The following MDN1 variants were observed in gnomAD, a reference collection of about 807,000 sequenced individuals.
The protein encoded by MDN1 is midasin AAA ATPase 1.
Under a neutral mutation model 669.2 loss-of-function variants are expected in MDN1, and 266 were observed. That is an observed-to-expected ratio of 0.40 (90% CI 0.36 to 0.44). MDN1 has a LOEUF of 0.44. Among genes scored for constraint, MDN1 ranks in the 20% least tolerant of loss-of-function variants. The pLI, the probability that MDN1 is intolerant of heterozygous loss-of-function variation, is 1.00. For synonymous variants in MDN1, 2,385 were observed against 2,457.1 expected (o/e 0.97, Z 0.87); for missense variants, 5,940 against 6,754.0 (o/e 0.88, Z 4.22).
chr6:89,724,455 G>C (rs537614220), intron 38 of MDN1, among the ~76,000 whole-genome samples: 115 of 152,176 alleles, frequency 7.6e-4, no homozygotes, highest in African/African-American at 2.6e-3. Context: ...GCTAATTTTT[G>C]TATTTTTAAT....
At chr6:89,773,659 T>C (rs1335206937) in intron 13 of MDN1, among the ~76,000 whole-genome samples, 1 of 151,552 alleles carries the variant, frequency 6.6e-6, no homozygotes, top group Non-Finnish European at 1.5e-5. Flanking sequence ...CAAGGACTGC[T>C]GGGAGCCAAA....
intron 19 of MDN1, among the ~76,000 whole-genome samples, chr6:89,756,597 TAA>T (rs1008979798): frequency 6.6e-6 from 1 of 152,188 alleles, no homozygotes; most frequent in African/African-American, 2.4e-5. Flanking sequence ...TTCTATGCAA[TAA>T]GTCTTCTACG....
At position 89,653,116 on chromosome 6, in the gene MDN1, G is replaced by T. The variant is rs777064501; in HGVS notation, c.15701C>A (p.Thr5234Lys). The change falls in exon 94 of 102, where the codon ACA becomes AAA. Residue 5234 changes from threonine (T) to lysine (K), a missense_variant. This residue lies in a region of MDN1 where 2,280 missense variants were observed against 2,576.3 expected (regional missense o/e 0.88). Transcript: ENST00000369393. ...TGTTCTGGGGTCTTGGTCTTCCTCT[G>T]TTTTAACAGTTTGGATCTCCACTTC... Reference protein sequence around the residue: ...EMEVEIQTVKTEEDQDPRTDK... With the variant: ...EMEVEIQTVKKEEDQDPRTDK... 80 of 1,613,460 alleles carry T rather than the reference G, an allele frequency of 5.0e-5. No individual in the cohort carries two copies. Among genetic ancestry groups the T allele is most frequent in the Non-Finnish European group, 6.5e-5 (77 of 1,179,900 alleles).
chr6:89,655,665 A>T (rs531577550), intron 92 of MDN1, 99 bp downstream of exon 92: 64 of 1,156,290 alleles, frequency 5.5e-5, no homozygotes, highest in Middle Eastern at 5.8e-4. Flanking sequence ...AAAACCTCAC[A>T]CTGTACCCCA....
chr6:89,676,297 T>G, intron 76 of MDN1, 90 bp from the exon 77 acceptor site: 101 of 1,048,714 alleles, frequency 9.6e-5, no homozygotes, highest in Non-Finnish European at 1.4e-4. Context: ...TATTTGGCCA[T>G]AACCAAGAGT....
chr6:89,747,399 C>T lies in MDN1; in HGVS notation c.3834G>A (p.Trp1278Ter). ...GFITLRDLFR[W>*]AERYRLAEPT... ...GCTCAGCCAATCTGTATCTTTCAGC[C>T]CATCGGAACAGATCACGAAGGGTGA... Residue 1278 changes from tryptophan to a stop codon, truncating the protein, a stop_gained, in exon 27 of 102, where the codon TGG becomes TGA. Coordinates refer to ENST00000369393, the MANE Select transcript of MDN1 (RefSeq NM_014611.3). LOFTEE classifies it high-confidence loss of function. The T allele has an allele frequency of 6.2e-7, 1 of 1,614,028 alleles. No homozygotes were observed. Among genetic ancestry groups the T allele is most frequent in the Non-Finnish European group, 8.5e-7 (1 of 1,179,990 alleles).
In MDN1 at chr6:89,645,108, A is replaced by G; in HGVS notation, c.16509T>C (p.Leu5503=). ...LVVSDGRGLF[L]EGKERVLAAV... The stretch of plus-strand genomic sequence containing the variant: ...CTGCCAGGACTCTTTCTTTGCCCTC[A>G]AGGAAAAGGCCTCGCCCATCAGAGA... The change falls in exon 101 of 102, where the codon CTT becomes CTC. Residue 5503 remains leucine (L), a synonymous_variant. Coordinates refer to ENST00000369393, the MANE Select transcript of MDN1 (RefSeq NM_014611.3). The G allele has an allele frequency of 6.2e-7, 1 of 1,612,198 alleles. No individual in the cohort carries two copies. Among genetic ancestry groups the G allele is most frequent in the Non-Finnish European group, 8.5e-7 (1 of 1,178,356 alleles).
At chr6:89,780,386 G>C in intron 10 of MDN1, 93 bp from the exon 11 acceptor site, 1 of 636,166 alleles carries the variant, frequency 1.6e-6, no homozygotes, top group Non-Finnish European at 2.5e-6. Flanking sequence ...CTTAAGTCTG[G>C]GCATACCTGA....
intron 12 of MDN1, among the ~76,000 whole-genome samples, 185 bp from the exon 13 acceptor site, chr6:89,774,918 A>G (rs912302348): frequency 5.9e-5 from 9 of 152,190 alleles, no homozygotes; most frequent in Admixed American, 4.6e-4. Context: ...TATGTTTTTC[A>G]CAACATTTAT....
chr6:89,674,247 G>A lies in MDN1; in HGVS notation c.13104C>T (p.Pro4368=). 1 of 1,614,260 alleles carries A rather than the reference G, an allele frequency of 6.2e-7. No individual in the cohort carries two copies. Among genetic ancestry groups the A allele is most frequent in the Non-Finnish European group, 8.5e-7 (1 of 1,180,044 alleles). Residue 4368 remains proline (P), a synonymous_variant, in exon 79 of 102, where the codon CCC becomes CCT. Coordinates refer to ENST00000369393, the MANE Select transcript of MDN1 (RefSeq NM_014611.3). The part of the protein sequence containing the change: ...YPSPIPGSQL[P]SGCRMRKQDH... The stretch of plus-strand genomic sequence containing the variant: ...CCTGTTTCCGCATCCGGCAACCAGA[G>A]GGCAGCTGACTTCCAGGTATTGGAG...
Position 89,683,117 on chromosome 6 carries a change from C to T in MDN1, c.12102+15G>A. The T allele has an allele frequency of 6.2e-7, 1 of 1,613,580 alleles. No homozygotes were observed. The highest frequency in any genetic ancestry group is 1.1e-5 in the South Asian group (1 of 90,938). Reference sequence around the variant, plus strand: ...TGGCTTGGGAATAAGCCAGCACTGTCCCACAACCAAGTACCTGCCCAGCTG... The same window carrying T: ...TGGCTTGGGAATAAGCCAGCACTGTTCCACAACCAAGTACCTGCCCAGCTG... On this transcript the variant is annotated intron_variant, in intron 73 of 101. Transcript: ENST00000369393.
intron 1 of MDN1, among the ~76,000 whole-genome samples, chr6:89,809,427 T>C (rs1768233657): frequency 6.6e-6 from 1 of 151,902 alleles, no homozygotes; most frequent in African/African-American, 2.4e-5. Context: ...GCCCAGGAGT[T>C]TGAGACCAGC....
At chr6:89,778,758 C>T (rs1162234468) in intron 11 of MDN1, among the ~76,000 whole-genome samples, 20 of 151,384 alleles carry the variant, frequency 1.3e-4, no homozygotes, top group African/African-American at 4.4e-4. Flanking sequence ...TGGTGGTGGG[C>T]GCCTGTAGTC....
In MDN1 at chr6:89,643,850, C is replaced by T. The variant is rs991688008; in HGVS notation, c.*155G>A. 16 of 648,820 alleles carry T rather than the reference C, an allele frequency of 2.5e-5. No homozygotes were observed. In the South Asian group the frequency reaches 2.9e-4, roughly 12 times the overall value. The allele number at this position is 648,820 out of a possible 1,614,324, so 40.2% of individuals were successfully genotyped here. On this transcript the variant is annotated 3_prime_UTR_variant, in exon 102 of 102. Coordinates refer to ENST00000369393, the MANE Select transcript of MDN1 (RefSeq NM_014611.3). Reference sequence around the variant, plus strand: ...ATAAAAACCTCAGCCCAGGCAAAGCCGGGAGCCAGAGAGCATTCTGTAGGC... The same window carrying T: ...ATAAAAACCTCAGCCCAGGCAAAGCTGGGAGCCAGAGAGCATTCTGTAGGC...
intron 88 of MDN1, among the ~76,000 whole-genome samples, chr6:89,660,689 A>G (rs556465048): frequency 7.9e-5 from 12 of 152,062 alleles, no homozygotes; most frequent in African/African-American, 2.9e-4. Flanking sequence ...CATAAATGGC[A>G]CCTCTTATTT....
At chr6:89,756,125 G>T in intron 20 of MDN1, 152 bp downstream of exon 20, 1 of 462,976 alleles carries the variant, frequency 2.2e-6, no homozygotes, top group Non-Finnish European at 3.8e-6. Context: ...TTCATATCAG[G>T]TTCCAACTTT....
chr6:89,690,573 C>G (rs954638), intron 64 of MDN1, 100 bp downstream of exon 64: 6 of 1,428,474 alleles, frequency 4.2e-6, no homozygotes, highest in South Asian at 2.6e-5. Flanking sequence ...TACATACATA[C>G]AGAGAGAGAG....
intron 15 of MDN1, among the ~76,000 whole-genome samples, chr6:89,762,815 G>T (rs1433826160): frequency 2.0e-5 from 3 of 152,164 alleles, no homozygotes; most frequent in Non-Finnish European, 4.4e-5. Context: ...AGCACTTTGG[G>T]ACACTGAGGT....
chr6:89,661,992 AG>A, intron 87 of MDN1, 94 bp downstream of exon 87: 1 of 1,430,292 alleles, frequency 7.0e-7, no homozygotes, highest in Non-Finnish European at 9.4e-7. Context: ...GTCGACGAAC[AG>A]GGGAAAAAAT....
Sources: gnomAD v4.1 joint callset for allele counts (sites outside exome capture counted in the v4.1 genomes callset) on GRCh38, gnomAD v4.1.1 for gene constraint, gnomAD v4.1.1 regional missense constraint, MANE v1.5 for transcripts, NCBI Gene and HGNC (gene_info 2026-07-23, HGNC 2026-07-21) for gene names.